Variants in RIOK3 observed in about 807,000 individuals in gnomAD.
RIOK3 encodes the protein serine/threonine-protein kinase RIO3.
A neutral mutation model predicts 63.5 loss-of-function variants in RIOK3; 40 were observed. The observed-to-expected ratio is 0.63, with a 90% CI of 0.49 to 0.82. The LOEUF is 0.82. Among genes scored for constraint, RIOK3 ranks in the 40% least tolerant of loss-of-function variants. The probability of loss-of-function intolerance (pLI) is 0.00; values close to 1 mark genes in which losing one functional copy is unlikely to be tolerated. For synonymous variants in RIOK3, 193 were observed against 205.0 expected (o/e 0.94, Z 0.50); for missense variants, 557 against 637.0 (o/e 0.87, Z 1.35).
chr18:23,468,142 A>G (rs1210849592), intron 7 of RIOK3, among the ~76,000 whole-genome samples: 1 of 152,124 alleles, frequency 6.6e-6, no homozygotes, highest in East Asian at 1.9e-4. Context: ...TGAGAGATGA[A>G]AAGTAACATC....
intron 12 of RIOK3, among the ~76,000 whole-genome samples, chr18:23,480,555 G>GCACACACACACACACACACACACA (rs59552026): frequency 1.1e-4 from 15 of 142,096 alleles, no homozygotes; most frequent in African/African-American, 2.7e-4. Context: ...TTGGATGCAC[G>GCACACACACACACACACACACACA]CACACACACA....
chr18:23,471,034 C>T (rs1236482766), intron 7 of RIOK3, among the ~76,000 whole-genome samples: 1 of 152,154 alleles, frequency 6.6e-6, no homozygotes, highest in Non-Finnish European at 1.5e-5. Flanking sequence ...CTGTCAAGTA[C>T]CAGGTACTCT....
intron 7 of RIOK3, among the ~76,000 whole-genome samples, chr18:23,469,912 T>G (rs1480510214): frequency 1.3e-5 from 2 of 152,160 alleles, no homozygotes; most frequent in East Asian, 3.9e-4. Flanking sequence ...GAGCTTAAGC[T>G]TTAGCTAAAA....
chr18:23,477,386 C>A, intron 11 of RIOK3, 118 bp downstream of exon 11: 1 of 785,810 alleles, frequency 1.3e-6, no homozygotes, highest in Non-Finnish European at 2.2e-6. Flanking sequence ...GGGATACGGG[C>A]TGCTTTCAGG....
At chr18:23,463,120 C>A in intron 2 of RIOK3, 41 bp downstream of exon 2, 1 of 1,332,894 alleles carries the variant, frequency 7.5e-7, no homozygotes, top group Non-Finnish European at 1.1e-6. Flanking sequence ...CAACTTATAG[C>A]AGAGTTTTAG....
At chr18:23,460,786 A>T (rs149145646) in intron 1 of RIOK3, among the ~76,000 whole-genome samples, 31 of 152,330 alleles carry the variant, frequency 2.0e-4, no homozygotes, top group African/African-American at 7.2e-4. Context: ...GAGGCCAAAA[A>T]ATTAGCTATG....
chr18:23,466,311 C>A (rs1449474610), intron 6 of RIOK3, 35 bp downstream of exon 6: 7 of 1,462,116 alleles, frequency 4.8e-6, no homozygotes, highest in Middle Eastern at 1.8e-4. Flanking sequence ...TTCTTTTTTA[C>A]TAGAAAGATT....
In RIOK3 at chr18:23,466,290, G is replaced by A; in HGVS notation, c.687+14G>A. The A allele has an allele frequency of 6.6e-7, 1 of 1,525,970 alleles. No individual in the cohort carries two copies. Among genetic ancestry groups the A allele is most frequent in the Non-Finnish European group, 8.7e-7 (1 of 1,146,896 alleles). 94.5% of individuals were successfully genotyped at this position (1,525,970 alleles called of 1,614,324 possible). ...CATTCTACAGCAGTAAGGATTTATA[G>A]ATTTTTTTTTTTCTTTTTTACTAGA... On this transcript the variant is annotated intron_variant, in intron 6 of 12. Transcript: ENST00000339486.
At chr18:23,454,760 C>T (rs1488936447) in intron 1 of RIOK3, among the ~76,000 whole-genome samples, 1 of 152,120 alleles carries the variant, frequency 6.6e-6, no homozygotes, top group Non-Finnish European at 1.5e-5. Context: ...TATAAAATTC[C>T]ATTTTCATTG....
chr18:23,456,454 T>C (rs897044090), intron 1 of RIOK3: 6 of 152,116 alleles, frequency 3.9e-5, no homozygotes, highest in Non-Finnish European at 5.9e-5. Context: ...GCTGCTAAAT[T>C]TGGCTGGCTT....
At chr18:23,480,326 G>A (rs1285314207) in intron 12 of RIOK3, among the ~76,000 whole-genome samples, 1 of 152,104 alleles carries the variant, frequency 6.6e-6, no homozygotes, top group Non-Finnish European at 1.5e-5. Context: ...ACAGAAAGAT[G>A]GTAAATTCAT....
intron 1 of RIOK3, among the ~76,000 whole-genome samples, chr18:23,453,827 G>A (rs2057320635): frequency 6.6e-6 from 1 of 152,248 alleles, no homozygotes; most frequent in Non-Finnish European, 1.5e-5. Flanking sequence ...AAACAAGCAC[G>A]ATCTTGTTTT....
Position 23,481,973 on chromosome 18 carries a change from A to C in RIOK3, c.*694A>C, listed in dbSNP as rs1332047532. On this transcript the variant is annotated 3_prime_UTR_variant, in exon 13 of 13. Coordinates refer to ENST00000339486, the MANE Select transcript of RIOK3 (RefSeq NM_003831.5). ...CTTTTTAACTATCCAGTCAACTTTCAGCTTTTCTACATTTAGGTAAAATGG... is the reference window on the plus strand; with the variant it reads ...CTTTTTAACTATCCAGTCAACTTTCCGCTTTTCTACATTTAGGTAAAATGG... 1 of 152,216 alleles carries C rather than the reference A, an allele frequency of 6.6e-6. No individual in the cohort carries two copies. Among genetic ancestry groups the C allele is most frequent in the African/African-American group, 2.4e-5 (1 of 41,468 alleles). The allele number at this position is 152,216 out of a possible 1,614,324, so 9.4% of individuals were successfully genotyped here.
At chr18:23,454,447 C>A (rs907963713) in intron 1 of RIOK3, among the ~76,000 whole-genome samples, 1 of 152,218 alleles carries the variant, frequency 6.6e-6, no homozygotes, top group African/African-American at 2.4e-5. Context: ...ATCTGAGATA[C>A]TGCGTTGGCA....
chr18:23,468,012 A>C (rs2057421605), intron 7 of RIOK3, among the ~76,000 whole-genome samples: 1 of 152,130 alleles, frequency 6.6e-6, no homozygotes, highest in South Asian at 2.1e-4. Context: ...TCCTGACCTT[A>C]GGTGATCCAC....
chr18:23,465,137 C>T (rs550245533), intron 5 of RIOK3, among the ~76,000 whole-genome samples: 50 of 152,078 alleles, frequency 3.3e-4, no homozygotes, highest in African/African-American at 1.1e-3. Flanking sequence ...TTTGGGATGC[C>T]GAGGTGGGCA....
Position 23,464,301 on chromosome 18 carries a change from C to G in RIOK3, c.421C>G (p.Pro141Ala), listed in dbSNP as rs1210129462. The change falls in exon 4 of 13, where the codon CCC becomes GCC. Residue 141 changes from proline (P) to alanine (A), a missense_variant. Pro to Ala is a conservative substitution (Grantham distance 27). Transcript: ENST00000339486. ...TGACTGGCAGGATACTCGTGATGAT[C>G]CCTACAGACCAGGTACCAAAGTTTT... ...EVDWQDTRDD[P>A]YRPAKPVPTP... 6 of 1,612,418 alleles carry G rather than the reference C, an allele frequency of 3.7e-6. No individual in the cohort carries two copies. The highest frequency in any genetic ancestry group is 1.3e-5 in the African/African-American group (1 of 74,866).
chr18:23,455,462 G>C (rs1339558129), intron 1 of RIOK3, among the ~76,000 whole-genome samples: 1 of 147,714 alleles, frequency 6.8e-6, no homozygotes, highest in East Asian at 2.0e-4. Flanking sequence ...GCGCGATCTC[G>C]GCTCACTGCA....
intron 1 of RIOK3, among the ~76,000 whole-genome samples, chr18:23,454,950 T>A (rs963515955): frequency 2.6e-5 from 4 of 152,242 alleles, no homozygotes; most frequent in Non-Finnish European, 5.9e-5. Context: ...GAGGAGGGTT[T>A]TGAAAAATGG....
Sources: allele counts gnomAD v4.1 joint callset (sites outside exome capture counted in the v4.1 genomes callset), GRCh38; gene constraint gnomAD v4.1.1; transcripts MANE v1.5; gene names NCBI Gene and HGNC (gene_info 2026-07-23, HGNC 2026-07-21).